Variants in BMP7 observed in about 807,000 individuals in gnomAD.
BMP7 encodes bone morphogenetic protein 7, also known as osteogenic protein 1.
Under a neutral mutation model 41.2 loss-of-function variants are expected in BMP7, and 12 were observed. That is an observed-to-expected ratio of 0.29 (90% confidence interval 0.19 to 0.47). BMP7 has a LOEUF of 0.47. BMP7 is among the 20% of genes least tolerant of loss of function. The pLI is 0.99. For missense variants in BMP7, 467 were observed against 606.0 expected, an observed-to-expected ratio of 0.77 and a Z score of 2.41; for synonymous variants, 248 against 250.0, an observed-to-expected ratio of 0.99 and a Z score of 0.07.
At chr20:57,176,405 A>G (rs1983922678) in intron 4 of BMP7, among the ~76,000 whole-genome samples, 1 of 152,186 alleles carries the variant, frequency 6.6e-6, no homozygotes, top group Non-Finnish European at 1.5e-5. Flanking sequence ...TCTGATGTCT[A>G]CAGCCAAACC....
At chr20:57,264,576 G>A (rs899820562) in intron 1 of BMP7, among the ~76,000 whole-genome samples, 1 of 152,166 alleles carries the variant, frequency 6.6e-6, no homozygotes, top group Non-Finnish European at 1.5e-5. Flanking sequence ...CGGGGTCGTC[G>A]CGGCTCCAGT....
At chr20:57,256,996 AG>A (rs1450772801) in intron 1 of BMP7, among the ~76,000 whole-genome samples, 1 of 152,248 alleles carries the variant, frequency 6.6e-6, no homozygotes, top group African/African-American at 2.4e-5. Flanking sequence ...AGTCACTCCC[AG>A]GTAGAAATAT....
intron 1 of BMP7, among the ~76,000 whole-genome samples, chr20:57,229,290 G>T (rs964163426): frequency 2.6e-5 from 4 of 152,220 alleles, no homozygotes; most frequent in Non-Finnish European, 5.9e-5. Context: ...GAGGTGCCAA[G>T]GTTTACAGTC....
At chr20:57,263,644 CG>C (rs1244647866) in intron 1 of BMP7, among the ~76,000 whole-genome samples, 1 of 152,116 alleles carries the variant, frequency 6.6e-6, no homozygotes, top group African/African-American at 2.4e-5. Flanking sequence ...AGTGGGAGTC[CG>C]GGGTACCCAA....
At chr20:57,210,645 G>GCA (rs1343208749) in intron 2 of BMP7, among the ~76,000 whole-genome samples, 21 of 152,294 alleles carry the variant, frequency 1.4e-4, no homozygotes, top group Non-Finnish European at 2.9e-4. Flanking sequence ...GATCTCTCTG[G>GCA]CCCTGAGGCA....
At chr20:57,245,671 C>G (rs1163581976) in intron 1 of BMP7, among the ~76,000 whole-genome samples, 1 of 135,570 alleles carries the variant, frequency 7.4e-6, no homozygotes, top group Admixed American at 7.8e-5. Flanking sequence ...CAGAGTCTTG[C>G]TCTGTCACCC....
intron 3 of BMP7, among the ~76,000 whole-genome samples, chr20:57,193,226 G>A (rs762632673): frequency 1.5e-4 from 23 of 152,286 alleles, no homozygotes; most frequent in Non-Finnish European, 2.8e-4. Flanking sequence ...GCAGCTCCAC[G>A]CCACAAAGAA....
intron 2 of BMP7, among the ~76,000 whole-genome samples, chr20:57,217,646 G>A (rs1985064642): frequency 6.6e-6 from 1 of 152,192 alleles, no homozygotes; most frequent in Non-Finnish European, 1.5e-5. Flanking sequence ...CTGGGTGACT[G>A]TCACTTTCAG....
At chr20:57,207,166 T>A (rs1403871359) in intron 2 of BMP7, among the ~76,000 whole-genome samples, 1 of 152,194 alleles carries the variant, frequency 6.6e-6, no homozygotes, top group African/African-American at 2.4e-5. Flanking sequence ...AAGAAGCCTA[T>A]CATTTCTATT....
chr20:57,236,862 G>A (rs1212590023), intron 1 of BMP7, among the ~76,000 whole-genome samples: 2 of 152,076 alleles, frequency 1.3e-5, no homozygotes, highest in Admixed American at 6.6e-5. Flanking sequence ...AGGCAAAGCC[G>A]CCTTCATTTC....
At position 57,252,611 on chromosome 20, in the gene BMP7, G is replaced by A. The variant is rs142977759; in HGVS notation, c.418+13094C>T. On this transcript the variant is annotated intron_variant, in intron 1 of 6. Transcript: ENST00000395863. ...GGTTCCCAGGAGACAATGCTTGCTC[G>A]TTAGAGACTTGAGCTCCATTTCAGT... Among the ~76,000 whole-genome samples, 430 of 152,336 alleles carry A rather than the reference G, an allele frequency of 2.8e-3. 1 individual carries two copies. The highest frequency in any genetic ancestry group is 8.9e-3 in the African/African-American group (370 of 41,584).
At position 57,265,422 on chromosome 20, in the gene BMP7, C is replaced by A. The variant is rs116494144; in HGVS notation, c.418+283G>T. Reference sequence around the variant, plus strand: ...AGCCCCGCGCTTTGAACGGCCCTTGCCTCCAGCCCCAGAGATGCGGCCGGC... The same window carrying A: ...AGCCCCGCGCTTTGAACGGCCCTTGACTCCAGCCCCAGAGATGCGGCCGGC... On this transcript the variant is annotated intron_variant, in intron 1 of 6. Coordinates refer to ENST00000395863, the MANE Select transcript of BMP7 (RefSeq NM_001719.3). Among the ~76,000 whole-genome samples, 2,170 of 152,382 alleles carry A rather than the reference C, an allele frequency of 0.014. 46 individuals carry two copies. Among genetic ancestry groups the A allele is most frequent in the African/African-American group, 0.05 (2,072 of 41,598 alleles).
In BMP7 at chr20:57,266,204, G is replaced by A. The variant is rs2066178009; in HGVS notation, c.-82C>T. 2 of 1,339,164 alleles carry A rather than the reference G, an allele frequency of 1.5e-6. No homozygotes were observed. The highest frequency in any genetic ancestry group is 1.7e-5 in the South Asian group (1 of 58,198). 83.0% of individuals were successfully genotyped at this position (1,339,164 alleles called of 1,614,324 possible). A position where few individuals can be genotyped will look rare whatever the true frequency, so the allele number is the denominator to read the frequency against. ...TGGCAGAGGGGGCAGGCGGCCGTCC[G>A]CGCCGCTCGGTCACTTGCTGCAGAC... On this transcript the variant is annotated 5_prime_UTR_variant, in exon 1 of 7. Transcript: ENST00000395863.
chr20:57,186,899 G>T (rs1041840774), intron 3 of BMP7, among the ~76,000 whole-genome samples: 2 of 152,136 alleles, frequency 1.3e-5, no homozygotes, highest in Non-Finnish European at 2.9e-5. Context: ...TCTTGAGCGG[G>T]GTTTCCCGGA....
At chr20:57,193,155 C>G (rs1459009276) in intron 3 of BMP7, among the ~76,000 whole-genome samples, 2 of 152,142 alleles carry the variant, frequency 1.3e-5, no homozygotes, top group Middle Eastern at 3.2e-3. Context: ...TTTTGGTATG[C>G]CCATCTGTAA....
rs926360881 is a variant in BMP7 at position 57,224,216 on chromosome 20, C to T, written c.611+4013G>A. Among the ~76,000 whole-genome samples the T allele has an allele frequency of 2.0e-5, 3 of 152,224 alleles. No individual in the cohort carries two copies. Among genetic ancestry groups the T allele is most frequent in the Admixed American group, 2.0e-4 (3 of 15,294 alleles). ...TTCCTCAGAGTGACTCAGGCTGCAG[C>T]TGATCCAAATCTTGGCCCTCGAGAC... On this transcript the variant is annotated intron_variant, in intron 2 of 6. Transcript: ENST00000395863. This position sits in a 1 kb window ranked among gnomAD's most constrained non-coding sequence, Gnocchi z 4.8.
intron 2 of BMP7, among the ~76,000 whole-genome samples, chr20:57,211,784 A>G (rs1299350029): frequency 4.6e-5 from 7 of 152,188 alleles, no homozygotes; most frequent in Admixed American, 4.6e-4. Flanking sequence ...GAAGCCAGAA[A>G]CAACAAGGAA....
intron 2 of BMP7, among the ~76,000 whole-genome samples, chr20:57,221,675 G>C (rs538967151): frequency 6.6e-6 from 1 of 152,258 alleles, no homozygotes; most frequent in East Asian, 1.9e-4. Flanking sequence ...GCCAGACATA[G>C]TGGTGTGTTC....
chr20:57,188,303 C>T (rs768597278), intron 3 of BMP7, among the ~76,000 whole-genome samples: 13 of 152,152 alleles, frequency 8.5e-5, no homozygotes, highest in South Asian at 2.1e-4. Context: ...TGATACAACA[C>T]GGACAAACCT....
Sources: gnomAD v4.1 joint callset for allele counts (sites outside exome capture counted in the v4.1 genomes callset) on GRCh38, gnomAD v4.1.1 for gene constraint, Gnocchi (gnomAD v3.1) non-coding constraint, MANE v1.5 for transcripts, NCBI Gene and HGNC (gene_info 2026-07-23, HGNC 2026-07-21) for gene names.